Variants in PKHD1L1 observed in about 807,000 individuals in gnomAD.
PKHD1L1 encodes fibrocystin-L.
A neutral mutation model predicts 462.9 loss-of-function variants in PKHD1L1; 434 were observed. The ratio of observed to expected loss-of-function variants is 0.94; its 90% CI spans 0.87 to 1.02. The LOEUF is 1.02. Ranked by LOEUF, PKHD1L1 falls within the 50% of genes least tolerant of loss-of-function variation. PKHD1L1 has a pLI of 0.00. For synonymous variants in PKHD1L1, 1,781 were observed against 1,750.0 expected, an observed-to-expected ratio of 1.02 and a Z score of -0.44; for missense variants, 5,202 against 5,096.1, an observed-to-expected ratio of 1.02 and a Z score of -0.63.
rs776556446 is a variant in PKHD1L1, at chr8:109,381,437, A to T, written c.231A>T (p.Leu77Phe). Reference sequence around the variant, plus strand: ...CTGAGTTGGGAAACAGTGTGCAATTAATTTCTTCTTTCCAGTCAATTACTT... The same window carrying T: ...CTGAGTTGGGAAACAGTGTGCAATTTATTTCTTCTTTCCAGTCAATTACTT... ...DNAELGNSVQ[L>F]ISSFQSITCD... Residue 77 changes from leucine (L) to phenylalanine (F), a missense_variant, in exon 3 of 78, where the codon TTA becomes TTT. Around this residue, in one of 3 missense-constraint regions of PKHD1L1, gnomAD observed 4,497 missense variants for 4,336.8 expected, o/e 1.04. Transcript: ENST00000378402. 1.5e-5 allele frequency: 23 copies of T among 1,583,744 alleles called. No homozygotes were observed. Among genetic ancestry groups the T allele is most frequent in the Non-Finnish European group, 1.9e-5 (22 of 1,162,964 alleles).
intron 2 of PKHD1L1, among the ~76,000 whole-genome samples, chr8:109,374,262 T>C (rs1811684206): frequency 6.6e-6 from 1 of 152,228 alleles, no homozygotes; most frequent in Non-Finnish European, 1.5e-5. Flanking sequence ...GTAATGGCCT[T>C]CTTTGTCTCT....
In PKHD1L1 at chr8:109,518,257, C is replaced by A. The variant is rs1820373084; in HGVS notation, c.11780C>A (p.Thr3927Asn). 3 of 1,610,962 alleles carry A rather than the reference C, an allele frequency of 1.9e-6. No homozygotes were observed. The highest frequency in any genetic ancestry group is 2.5e-6 in the Non-Finnish European group (3 of 1,177,472). ...YQMLYLLVKG[T>N]IPVEIHTATV... ...ATGCTTTATCTTTTGGTTAAAGGAA[C>A]TATACCTGTTGAAATTCACACTGCC... Residue 3927 changes from threonine to asparagine, a missense_variant, in exon 73 of 78, where the codon ACT becomes AAT. By Grantham distance (65) the Thr-to-Asn change is moderately conservative. Coordinates refer to ENST00000378402, the MANE Select transcript of PKHD1L1 (RefSeq NM_177531.6).
intron 44 of PKHD1L1, 62 bp downstream of exon 44, chr8:109,454,308 C>T (rs772435696): frequency 8.6e-7 from 1 of 1,159,912 alleles, no homozygotes; most frequent in Admixed American, 2.3e-5. Context: ...TTTTTAAATA[C>T]TATGTGTAAA....
chr8:109,503,886 C>T (rs1819559654), intron 67 of PKHD1L1, among the ~76,000 whole-genome samples: 1 of 152,144 alleles, frequency 6.6e-6, no homozygotes, highest in Non-Finnish European at 1.5e-5. Flanking sequence ...AGCCTTACTT[C>T]CATGACTGGA....
intron 26 of PKHD1L1, 63 bp from the exon 27 acceptor site, chr8:109,429,869 T>C (rs897705975): frequency 4.8e-6 from 5 of 1,037,878 alleles, no homozygotes; most frequent in African/African-American, 3.2e-5. Context: ...TGTTAAAACC[T>C]ATTCATATTC....
chr8:109,441,624 A>G (rs1470105441), intron 34 of PKHD1L1, among the ~76,000 whole-genome samples: 1 of 152,158 alleles, frequency 6.6e-6, no homozygotes, highest in Non-Finnish European at 1.5e-5. Context: ...TTGCTCTAGT[A>G]CAGAAACTCC....
At position 109,525,642 on chromosome 8, in the gene PKHD1L1, G is replaced by T. The variant is rs377607793; in HGVS notation, c.12485-1142G>T. 1.8e-3 allele frequency among the ~76,000 whole-genome samples: 274 copies of T among 152,102 alleles called. 2 individuals are homozygous for T. The highest frequency in any genetic ancestry group is 6.3e-3 in the African/African-American group (262 of 41,478). ...TGTGGTCTTTCCATAAGGCTAGCTT[G>T]GGCTTCTTCACAGTACTTCAGGAGG... is the stretch of plus-strand genomic sequence containing the variant. On this transcript the variant is annotated intron_variant, in intron 76 of 77. Transcript: ENST00000378402.
chr8:109,443,958 T>C, intron 37 of PKHD1L1, 56 bp downstream of exon 37: 1 of 1,399,388 alleles, frequency 7.1e-7, no homozygotes, highest in Admixed American at 2.0e-5. Context: ...ATAAAAGTAT[T>C]TTGACGATAA....
chr8:109,523,884 T>G (rs1478643724), intron 76 of PKHD1L1, among the ~76,000 whole-genome samples: 1 of 152,216 alleles, frequency 6.6e-6, no homozygotes, highest in Non-Finnish European at 1.5e-5. Context: ...AATTATAATA[T>G]TCTCTGAGAA....
chr8:109,385,466 A>C, intron 5 of PKHD1L1, 71 bp from the exon 6 acceptor site: 1 of 958,322 alleles, frequency 1.0e-6, no homozygotes, highest in Non-Finnish European at 1.6e-6. Context: ...AAAATCTCTT[A>C]TGTTTTCGTA....
intron 23 of PKHD1L1, among the ~76,000 whole-genome samples, chr8:109,421,572 G>A (rs574049683): frequency 6.6e-6 from 1 of 152,110 alleles, no homozygotes; most frequent in East Asian, 1.9e-4. Context: ...CATGAGGTCA[G>A]AAGATCGAGA....
chr8:109,412,433 T>C lies in PKHD1L1; in HGVS notation c.2235+19T>C. 3 of 1,579,454 alleles carry C rather than the reference T, an allele frequency of 1.9e-6. No homozygotes were observed. Among genetic ancestry groups the C allele is most frequent in the Non-Finnish European group, 2.6e-6 (3 of 1,161,828 alleles). ...TAATCAGGTAAGCTCAACAAAATGA[T>C]ATGCTAATTGAATCTGGAAAATACC... On this transcript the variant is annotated intron_variant, in intron 20 of 77. Transcript: ENST00000378402.
chr8:109,414,463 G>A (rs1814025321), intron 21 of PKHD1L1, among the ~76,000 whole-genome samples: 1 of 151,724 alleles, frequency 6.6e-6, no homozygotes, highest in Admixed American at 6.6e-5. Flanking sequence ...ACCATGGTGG[G>A]ATCTCCATAT....
At chr8:109,511,173 A>T (rs962478599) in intron 71 of PKHD1L1, among the ~76,000 whole-genome samples, 1 of 152,028 alleles carries the variant, frequency 6.6e-6, no homozygotes, top group Admixed American at 6.6e-5. Flanking sequence ...GGTACTCCAT[A>T]CGTGAAGCAA....
chr8:109,386,732 T>C (rs2130456794), intron 6 of PKHD1L1, among the ~76,000 whole-genome samples: 1 of 152,298 alleles, frequency 6.6e-6, no homozygotes, highest in South Asian at 2.1e-4. Context: ...TAGTTGAGCA[T>C]TAGGAATGGT....
intron 32 of PKHD1L1, among the ~76,000 whole-genome samples, chr8:109,440,391 T>A (rs896574486): frequency 1.3e-5 from 2 of 152,114 alleles, no homozygotes; most frequent in African/African-American, 4.8e-5. Context: ...ATATAAAATA[T>A]TTTTAAAAAT....
chr8:109,451,194 T>C, intron 41 of PKHD1L1, 45 bp downstream of exon 41: 1 of 1,532,568 alleles, frequency 6.5e-7, no homozygotes, highest in Non-Finnish European at 8.8e-7. Flanking sequence ...TTTCCAGACT[T>C]GAGCCATTAC....
intron 48 of PKHD1L1, among the ~76,000 whole-genome samples, chr8:109,463,892 A>C (rs1410015764): frequency 6.6e-6 from 1 of 152,214 alleles, no homozygotes; most frequent in African/African-American, 2.4e-5. Flanking sequence ...GAAGCAAAGT[A>C]AAGTAAAAGA....
chr8:109,377,742 C>A (rs1387620230), intron 2 of PKHD1L1, among the ~76,000 whole-genome samples: 1 of 151,916 alleles, frequency 6.6e-6, no homozygotes, highest in Non-Finnish European at 1.5e-5. Flanking sequence ...AGTATAAGTA[C>A]CTTTTTAACA....
Sources: gnomAD v4.1 joint callset for allele counts (sites outside exome capture counted in the v4.1 genomes callset) on GRCh38, gnomAD v4.1.1 for gene constraint, gnomAD v4.1.1 regional missense constraint, MANE v1.5 for transcripts, NCBI Gene and HGNC (gene_info 2026-07-23, HGNC 2026-07-21) for gene names.